FGF1: variants seen among roughly 807,000 people sequenced by gnomAD.
The protein encoded by FGF1 is fibroblast growth factor 1.
FGF1 carries 9 observed loss-of-function variants against 13.4 expected under a neutral mutation model. That is an observed-to-expected ratio of 0.67 (90% confidence interval 0.40 to 1.17). The LOEUF (loss-of-function observed/expected upper bound fraction) is 1.17. Ranked by LOEUF, FGF1 falls within the 50% of genes most tolerant of loss-of-function variation. The probability of loss-of-function intolerance (pLI) is 0.01; values close to 1 mark genes in which losing one functional copy is unlikely to be tolerated. For synonymous variants in FGF1, 93 were observed against 79.0 expected (o/e 1.18, Z -0.94); for missense variants, 156 against 192.7 (o/e 0.81, Z 1.13).
Position 142,593,880 on chromosome 5 carries a change from C to T in FGF1, c.*1410G>A, listed in dbSNP as rs1596998949. 1 of 152,670 alleles carries T rather than the reference C, an allele frequency of 6.6e-6. No homozygotes were observed. Among genetic ancestry groups the T allele is most frequent in the South Asian group, 2.1e-4 (1 of 4,816 alleles). The allele number at this position is 152,670 out of a possible 1,614,324, so 9.5% of individuals were successfully genotyped here. A position where few individuals can be genotyped will look rare whatever the true frequency, so the allele number is the denominator to read the frequency against. Reference sequence around the variant, plus strand: ...ATGAATGGTGTTTCTAATTTGCTAGCCACCTGGGTCAAGTTTAAGCAGGAA... The same window carrying T: ...ATGAATGGTGTTTCTAATTTGCTAGTCACCTGGGTCAAGTTTAAGCAGGAA... On this transcript the variant is annotated 3_prime_UTR_variant, in exon 4 of 4. Coordinates refer to ENST00000337706, the MANE Select transcript of FGF1 (RefSeq NM_000800.5).
At chr5:142,634,403 A>C (rs1763916323) in intron 1 of FGF1, among the ~76,000 whole-genome samples, 1 of 152,224 alleles carries the variant, frequency 6.6e-6, no homozygotes, top group South Asian at 2.1e-4. Flanking sequence ...CAGCCAAGTT[A>C]AAAATGGCAG....
At chr5:142,668,144 G>T (rs747604136) in intron 1 of FGF1, among the ~76,000 whole-genome samples, 4 of 152,252 alleles carry the variant, frequency 2.6e-5, no homozygotes, top group African/African-American at 9.6e-5. Flanking sequence ...CTCCTCCCAG[G>T]CTCAGGCAGA....
intron 1 of FGF1, among the ~76,000 whole-genome samples, chr5:142,665,449 G>A (rs540719581): frequency 2.2e-4 from 33 of 152,154 alleles, no homozygotes; most frequent in African/African-American, 6.5e-4. Flanking sequence ...GGAAAAGGTC[G>A]CCACAGGTTC....
upstream of FGF1, among the ~76,000 whole-genome samples, chr5:142,690,155 A>G (rs546998727): frequency 1.8e-3 from 270 of 151,266 alleles, 1 homozygote; most frequent in African/African-American, 6.3e-3. Flanking sequence ...CCCCGTCTCT[A>G]CTAAAAATAC....
chr5:142,627,868 C>T (rs1301303011), intron 1 of FGF1, among the ~76,000 whole-genome samples: 1 of 152,212 alleles, frequency 6.6e-6, no homozygotes, highest in Non-Finnish European at 1.5e-5. Context: ...TACTTGCCAG[C>T]TCCCTTTGAT....
chr5:142,665,504 C>A (rs1028281727), intron 1 of FGF1, among the ~76,000 whole-genome samples: 1 of 152,130 alleles, frequency 6.6e-6, no homozygotes, highest in African/African-American at 2.4e-5. Context: ...GACCTCCCCC[C>A]AACAAGGCTT....
rs572030106 is a variant in FGF1, at chr5:142,651,006, A to G, written c.-35+34951T>C. 5.3e-5 allele frequency among the ~76,000 whole-genome samples: 8 copies of G among 152,172 alleles called. No individual in the cohort carries two copies. The South Asian group carries it at 1.7e-3, about 32-fold the overall frequency. ...CCAAATCAACACCCACTGAGAGCCAAGTGTGTTAATGGGAGGGTGGTGCAA... is the reference window on the plus strand; with the variant it reads ...CCAAATCAACACCCACTGAGAGCCAGGTGTGTTAATGGGAGGGTGGTGCAA... On this transcript the variant is annotated intron_variant, in intron 1 of 3. Transcript: ENST00000337706.
At chr5:142,636,092 C>G (rs1764203939) in intron 1 of FGF1, among the ~76,000 whole-genome samples, 1 of 152,220 alleles carries the variant, frequency 6.6e-6, no homozygotes, top group Non-Finnish European at 1.5e-5. Context: ...CCCCCTCCTT[C>G]TTGCTCTGTT....
chr5:142,679,848 G>A (rs1773383987), intron 1 of FGF1: 1 of 152,242 alleles, frequency 6.6e-6, no homozygotes, highest in African/African-American at 2.4e-5. Context: ...TACGGGGTTA[G>A]TCTGTTATGG....
intron 2 of FGF1, among the ~76,000 whole-genome samples, chr5:142,603,887 T>C (rs989383117): frequency 1.3e-5 from 2 of 152,162 alleles, no homozygotes; most frequent in Non-Finnish European, 2.9e-5. Flanking sequence ...TAACAGTCTA[T>C]GGAGCAAGTA....
Position 142,633,342 on chromosome 5 carries a change from G to A in FGF1, c.-34-19181C>T, listed in dbSNP as rs544125582. Among the ~76,000 whole-genome samples the A allele has an allele frequency of 4.6e-5, 7 of 152,268 alleles. No individual in the cohort carries two copies. The East Asian group carries it at 7.7e-4, about 17-fold the overall frequency. ...TTAAGGCTTTTACTCAGACATTTCC[G>A]AATGTGTGTACCTTTTACAGGCTTG... On this transcript the variant is annotated intron_variant, in intron 1 of 3. Coordinates refer to ENST00000337706, the MANE Select transcript of FGF1 (RefSeq NM_000800.5).
chr5:142,606,077 C>G (rs1024852052), intron 2 of FGF1, among the ~76,000 whole-genome samples: 2 of 151,012 alleles, frequency 1.3e-5, no homozygotes, highest in Non-Finnish European at 2.9e-5. Context: ...CAGCCATGGT[C>G]CCTGCACTTG....
chr5:142,691,646 A>G (rs1473512439), intron 2 of FGF1, among the ~76,000 whole-genome samples: 1 of 152,058 alleles, frequency 6.6e-6, no homozygotes, highest in Non-Finnish European at 1.5e-5. Flanking sequence ...GATTTGTTAA[A>G]ACACAGATTG....
chr5:142,659,060 T>C (rs1047857025), intron 1 of FGF1, among the ~76,000 whole-genome samples: 2 of 152,148 alleles, frequency 1.3e-5, no homozygotes, highest in African/African-American at 2.4e-5. Flanking sequence ...TGGCGTGTGT[T>C]GGGGGAAGAA....
At chr5:142,673,460 A>G (rs140199489) in intron 1 of FGF1, among the ~76,000 whole-genome samples, 1 of 152,200 alleles carries the variant, frequency 6.6e-6, no homozygotes, top group Admixed American at 6.5e-5. Flanking sequence ...AAACGTAATA[A>G]ATATGACCAG....
chr5:142,635,599 C>CT (rs1205494819), intron 1 of FGF1, among the ~76,000 whole-genome samples: 2 of 152,234 alleles, frequency 1.3e-5, no homozygotes, highest in African/African-American at 4.8e-5. Context: ...GAGCTTCTTA[C>CT]CCAAGCTGCA....
chr5:142,638,773 C>T (rs890587240), intron 1 of FGF1, among the ~76,000 whole-genome samples: 1 of 152,018 alleles, frequency 6.6e-6, no homozygotes, highest in Admixed American at 6.5e-5. Flanking sequence ...TTTGCAAACA[C>T]ATCTGATAAG....
intron 1 of FGF1, among the ~76,000 whole-genome samples, chr5:142,657,455 C>T (rs28597899): frequency 0.013 from 2,038 of 152,360 alleles, 46 homozygotes; most frequent in African/African-American, 0.046. Flanking sequence ...TGCAGTACCC[C>T]ATCTAGCCCA....
rs544352459 is a variant in FGF1 at position 142,608,382 on chromosome 5, A to T, written c.169+5577T>A. On this transcript the variant is annotated intron_variant, in intron 2 of 3. Coordinates refer to ENST00000337706, the MANE Select transcript of FGF1 (RefSeq NM_000800.5). ...ATTCAGAAATTGGTGCGGTTGTTTT[A>T]TGTCAGTGACATTTATAATTAAAAT... Among the ~76,000 whole-genome samples, 425 of 152,026 alleles carry T rather than the reference A, an allele frequency of 2.8e-3. 3 individuals carry two copies. Among genetic ancestry groups the T allele is most frequent in the African/African-American group, 9.5e-3 (396 of 41,496 alleles).
Sources: allele counts gnomAD v4.1 joint callset (sites outside exome capture counted in the v4.1 genomes callset), GRCh38; gene constraint gnomAD v4.1.1; transcripts MANE v1.5; gene names NCBI Gene and HGNC (gene_info 2026-07-23, HGNC 2026-07-21).